Variants in IGF1R observed in about 807,000 individuals in gnomAD.
IGF1R encodes the protein insulin-like growth factor 1 receptor.
IGF1R carries 44 observed loss-of-function variants against 144.6 expected under a neutral mutation model. The ratio of observed to expected loss-of-function variants is 0.30; its 90% confidence interval spans 0.24 to 0.39. The LOEUF is 0.39. Ranked by LOEUF, IGF1R falls within the 10% of genes least tolerant of loss-of-function variation. The pLI is 1.00. For missense variants in IGF1R, 1,355 were observed against 1,833.7 expected, an observed-to-expected ratio of 0.74 and a Z score of 4.77; for synonymous variants, 795 against 722.8, an observed-to-expected ratio of 1.10 and a Z score of -1.60.
intron 2 of IGF1R, among the ~76,000 whole-genome samples, chr15:98,886,740 C>G (rs947899658): frequency 3.3e-5 from 5 of 152,118 alleles, no homozygotes; most frequent in African/African-American, 1.2e-4. Context: ...TTCAAGAAAT[C>G]CCTTAATGGT....
At chr15:98,780,844 T>C (rs2055845351) in intron 2 of IGF1R, among the ~76,000 whole-genome samples, 1 of 152,216 alleles carries the variant, frequency 6.6e-6, no homozygotes, top group Admixed American at 6.5e-5. Flanking sequence ...GAAGTAATTC[T>C]AATAGGAAAC....
At chr15:98,855,773 A>C (rs888637646) in intron 2 of IGF1R, among the ~76,000 whole-genome samples, 39 of 152,234 alleles carry the variant, frequency 2.6e-4, no homozygotes, top group African/African-American at 9.4e-4. Flanking sequence ...AGCCCCTTAA[A>C]GGCAGTTGTC....
intron 2 of IGF1R, among the ~76,000 whole-genome samples, chr15:98,853,355 G>A (rs193018617): frequency 9.0e-4 from 137 of 152,276 alleles, no homozygotes; most frequent in Middle Eastern, 3.4e-3. Context: ...TTTGCGACAG[G>A]GCTGCCTGGA....
chr15:98,919,531 A>G (rs1318191398), intron 10 of IGF1R, among the ~76,000 whole-genome samples: 1 of 152,150 alleles, frequency 6.6e-6, no homozygotes, highest in Non-Finnish European at 1.5e-5. Flanking sequence ...AAGTGACGTG[A>G]AGGCAGAGCT....
At chr15:98,890,389 C>T (rs935878343) in intron 2 of IGF1R, 6 of 152,214 alleles carry the variant, frequency 3.9e-5, no homozygotes, top group South Asian at 2.1e-4. Flanking sequence ...GTCCTCACTG[C>T]TGCACTCCCA....
At chr15:98,713,288 C>CT (rs2054037805) in intron 2 of IGF1R, among the ~76,000 whole-genome samples, 1 of 152,166 alleles carries the variant, frequency 6.6e-6, no homozygotes, top group Admixed American at 6.5e-5. Flanking sequence ...ACTGCATCTG[C>CT]TTAGTGAAGG....
In IGF1R at chr15:98,873,147, A is replaced by G. The variant is rs185263192; in HGVS notation, c.641-18178A>G. Among the ~76,000 whole-genome samples, 87 of 152,302 alleles carry G rather than the reference A, an allele frequency of 5.7e-4. No homozygotes were observed. The East Asian group carries it at 0.011, about 19-fold the overall frequency. On this transcript the variant is annotated intron_variant, in intron 2 of 20. Coordinates refer to ENST00000650285, the MANE Select transcript of IGF1R (RefSeq NM_000875.5). The stretch of plus-strand genomic sequence containing the variant: ...GTGGGAGGGGTTGGGGTAAATGACA[A>G]TGTTAGCAGCTGGTAAATTTTTTTA...
intron 2 of IGF1R, among the ~76,000 whole-genome samples, chr15:98,751,851 T>C (rs1161065684): frequency 6.6e-6 from 1 of 152,130 alleles, no homozygotes; most frequent in African/African-American, 2.4e-5. Flanking sequence ...ACAAATAACA[T>C]AATTGTTTGG....
rs1338551336 is a variant in IGF1R, at chr15:98,935,272, G to C, written c.3187-44G>C. On this transcript the variant is annotated intron_variant, in intron 16 of 20. Coordinates refer to ENST00000650285, the MANE Select transcript of IGF1R (RefSeq NM_000875.5). This position sits in a 1 kb window ranked among gnomAD's most constrained non-coding sequence, Gnocchi z 4.2. Reference sequence around the variant, plus strand: ...TCCAGACAACACAGGCATCAGCAAGGGCCACCTGACCCTCTGAGTCTTTCT... The same window carrying C: ...TCCAGACAACACAGGCATCAGCAAGCGCCACCTGACCCTCTGAGTCTTTCT... 1.7e-6 allele frequency: 2 copies of C among 1,195,448 alleles called. No individual in the cohort carries two copies. Among genetic ancestry groups the C allele is most frequent in the Non-Finnish European group, 2.2e-6 (2 of 891,094 alleles). The allele number at this position is 1,195,448 out of a possible 1,614,324, so 74.1% of individuals were successfully genotyped here.
At chr15:98,888,653 A>T (rs9672328) in intron 2 of IGF1R, among the ~76,000 whole-genome samples, 5,085 of 152,232 alleles carry the variant, frequency 0.033, 307 homozygotes, top group African/African-American at 0.12. Context: ...AATAGCCTGG[A>T]GTCATTGAGA....
intron 1 of IGF1R, among the ~76,000 whole-genome samples, chr15:98,703,307 T>A (rs2053781346): frequency 6.6e-6 from 1 of 152,184 alleles, no homozygotes; most frequent in Admixed American, 6.5e-5. Flanking sequence ...GGTGTGTCTC[T>A]CCCTCTTGTG....
At chr15:98,711,211 G>T (rs1039138613) in intron 2 of IGF1R, among the ~76,000 whole-genome samples, 2 of 152,140 alleles carry the variant, frequency 1.3e-5, no homozygotes, top group Non-Finnish European at 2.9e-5. Context: ...TGGCTACCTT[G>T]AGTTCAACAT....
At chr15:98,838,827 C>T (rs1027486417) in intron 2 of IGF1R, among the ~76,000 whole-genome samples, 2 of 152,242 alleles carry the variant, frequency 1.3e-5, no homozygotes, top group Non-Finnish European at 2.9e-5. Flanking sequence ...CATCCAGCCC[C>T]AGCTGTCCTC....
At chr15:98,767,413 G>A (rs975788967) in intron 2 of IGF1R, among the ~76,000 whole-genome samples, 2 of 152,138 alleles carry the variant, frequency 1.3e-5, no homozygotes, top group African/African-American at 2.4e-5. Context: ...GATACATGAG[G>A]CATAACTGTA....
At chr15:98,854,986 C>T (rs1400478252) in intron 2 of IGF1R, among the ~76,000 whole-genome samples, 5 of 151,890 alleles carry the variant, frequency 3.3e-5, no homozygotes, top group Admixed American at 2.0e-4. Flanking sequence ...CTTCCTAGTT[C>T]TGGAATGGCT....
intron 2 of IGF1R, among the ~76,000 whole-genome samples, chr15:98,856,837 C>G (rs2141574175): frequency 6.6e-6 from 1 of 152,250 alleles, no homozygotes; most frequent in East Asian, 1.9e-4. Context: ...AGAGCTGACT[C>G]CTGGGCAGAG....
chr15:98,932,771 G>C (rs2015994547), intron 15 of IGF1R, among the ~76,000 whole-genome samples: 1 of 152,156 alleles, frequency 6.6e-6, no homozygotes, highest in Admixed American at 6.5e-5. Context: ...CCAGCTGGAG[G>C]GCAGAGTTCC....
chr15:98,692,108 G>A (rs1381228964), intron 1 of IGF1R, among the ~76,000 whole-genome samples: 1 of 152,110 alleles, frequency 6.6e-6, no homozygotes, highest in Non-Finnish European at 1.5e-5. Flanking sequence ...GTCCGAGGCG[G>A]GCAGATCACT....
At chr15:98,717,686 G>A (rs1200811808) in intron 2 of IGF1R, among the ~76,000 whole-genome samples, 1 of 152,166 alleles carries the variant, frequency 6.6e-6, no homozygotes, top group African/African-American at 2.4e-5. Flanking sequence ...TTGTTTGCAA[G>A]TTTGGTATTT....
Sources: gnomAD v4.1 joint callset for allele counts (sites outside exome capture counted in the v4.1 genomes callset) on GRCh38, gnomAD v4.1.1 for gene constraint, Gnocchi (gnomAD v3.1) non-coding constraint, MANE v1.5 for transcripts, NCBI Gene and HGNC (gene_info 2026-07-23, HGNC 2026-07-21) for gene names.